CD6: variants seen among roughly 807,000 people sequenced by gnomAD.
CD6 encodes the protein T-cell differentiation antigen CD6.
In CD6, 53 loss-of-function variants were observed where a neutral mutation model predicts 75.3. The observed-to-expected ratio is 0.70, with a 90% CI of 0.56 to 0.88. The LOEUF (loss-of-function observed/expected upper bound fraction) is 0.88, where lower values mean the gene tolerates loss of function less well. Ranked by LOEUF, CD6 falls within the 40% of genes least tolerant of loss-of-function variation. CD6 has a pLI of 0.00. For synonymous variants in CD6, 359 were observed against 381.5 expected (o/e 0.94, Z 0.69); for missense variants, 770 against 897.1 (o/e 0.86, Z 1.81).
intron 1 of CD6, among the ~76,000 whole-genome samples, chr11:60,986,472 C>A (rs1857819989): frequency 6.6e-6 from 1 of 152,202 alleles, no homozygotes; most frequent in African/African-American, 2.4e-5. Context: ...GTGGCCATGT[C>A]ACTCTTCAGC....
chr11:60,978,351 C>T (rs1307332850), intron 1 of CD6, among the ~76,000 whole-genome samples: 3 of 152,130 alleles, frequency 2.0e-5, no homozygotes, highest in Admixed American at 6.5e-5. Flanking sequence ...CCTGGATTTT[C>T]CCAGTGAGCC....
At chr11:61,010,633 A>G (rs2135179724) in intron 5 of CD6, among the ~76,000 whole-genome samples, 1 of 152,312 alleles carries the variant, frequency 6.6e-6, no homozygotes, top group South Asian at 2.1e-4. Flanking sequence ...TTCGCAGGAT[A>G]GCTGGGAAAC....
In CD6 at chr11:61,009,680, C is replaced by T. The variant is rs753975286; in HGVS notation, c.890C>T (p.Ser297Leu). Residue 297 changes from serine to leucine, a missense_variant, in exon 5 of 13, where the codon TCG becomes TTG. Coordinates refer to ENST00000313421, the MANE Select transcript of CD6 (RefSeq NM_006725.5). ...NTVCDSEWYP[S>L]EAKVLCQSLG... ...GTGTGTGACAGTGAGTGGTACCCATCGGAGGCCAAGGTGCTCTGCCAGTCC... is the reference window on the plus strand; with the variant it reads ...GTGTGTGACAGTGAGTGGTACCCATTGGAGGCCAAGGTGCTCTGCCAGTCC... 2.5e-6 allele frequency: 4 copies of T among 1,614,078 alleles called. No homozygotes were observed. Among genetic ancestry groups the T allele is most frequent in the East Asian group, 4.5e-5 (2 of 44,888 alleles).
At position 61,015,539 on chromosome 11, in the gene CD6, C is replaced by G. The variant is rs1045490471; in HGVS notation, c.1388-174C>G. On this transcript the variant is annotated intron_variant, in intron 8 of 12. Coordinates refer to ENST00000313421, the MANE Select transcript of CD6 (RefSeq NM_006725.5). ...TGAGCTGTGATGGCACCACTGTACT[C>G]CAGCCTGGACAACAGAGTGAGACCC... 5.5e-6 allele frequency: 4 copies of G among 728,916 alleles called. No homozygotes were observed. In the African/African-American group the frequency reaches 7.1e-5, roughly 13 times the overall value. The allele number at this position is 728,916 out of a possible 1,614,324, so 45.2% of individuals were successfully genotyped here. A position where few individuals can be genotyped will look rare whatever the true frequency, so the allele number is the denominator to read the frequency against.
intron 1 of CD6, among the ~76,000 whole-genome samples, chr11:60,973,928 G>C (rs1367050739): frequency 6.6e-6 from 1 of 152,116 alleles, no homozygotes; most frequent in African/African-American, 2.4e-5. Flanking sequence ...TGATGCAAGG[G>C]ACACTGAGCT....
intron 9 of CD6, 88 bp from the exon 10 acceptor site, chr11:61,017,391 C>T: frequency 9.6e-7 from 1 of 1,045,910 alleles, no homozygotes; most frequent in Admixed American, 2.0e-5. Flanking sequence ...TCAGCCTACC[C>T]AGGCCCCGGG....
intron 1 of CD6, among the ~76,000 whole-genome samples, chr11:60,996,731 G>A (rs762419220): frequency 6.6e-6 from 1 of 152,208 alleles, no homozygotes; most frequent in Non-Finnish European, 1.5e-5. Context: ...CCCTGTCCTG[G>A]CAGTGCTCCA....
Position 61,009,607 on chromosome 11 carries a change from C to T in CD6, c.817C>T (p.Arg273Cys), listed in dbSNP as rs747633110. 7.4e-6 allele frequency: 12 copies of T among 1,612,010 alleles called. No individual in the cohort carries two copies. Among genetic ancestry groups the T allele is most frequent in the East Asian group, 2.2e-5 (1 of 44,870 alleles). ...QSWRLTGGADRCEGQVEVHFR... is the reference protein window; with the variant it reads ...QSWRLTGGADCCEGQVEVHFR... Reference sequence around the variant, plus strand: ...CTGGCGCCTGACAGGGGGCGCTGACCGCTGCGAGGGGCAGGTGGAGGTACA... The same window carrying T: ...CTGGCGCCTGACAGGGGGCGCTGACTGCTGCGAGGGGCAGGTGGAGGTACA... The change falls in exon 5 of 13, where the codon CGC (arginine) becomes TGC (cysteine). Residue 273 changes from arginine to cysteine, a missense_variant. Transcript: ENST00000313421.
chr11:60,990,795 T>G (rs377644640), intron 1 of CD6, among the ~76,000 whole-genome samples: 1,180 of 136,186 alleles, frequency 8.7e-3, no homozygotes, highest in East Asian at 0.018. Flanking sequence ...ATATAAATTG[T>G]ACCCTACTGG....
At chr11:60,982,690 T>C (rs1325059975) in intron 1 of CD6, 1 of 456,078 alleles carries the variant, frequency 2.2e-6, no homozygotes, top group Non-Finnish European at 4.4e-6. Flanking sequence ...GATGGGATTC[T>C]AGAAGTATGA....
chr11:61,001,224 G>A (rs541611191), intron 1 of CD6, among the ~76,000 whole-genome samples: 10 of 121,986 alleles, frequency 8.2e-5, no homozygotes, highest in East Asian at 2.2e-4. Context: ...TTTTTGAGAC[G>A]GAGTCTTGCT....
chr11:60,999,991 G>T (rs1293732263), intron 1 of CD6, among the ~76,000 whole-genome samples: 2 of 152,044 alleles, frequency 1.3e-5, no homozygotes, highest in Non-Finnish European at 2.9e-5. Flanking sequence ...GGTGGAGGTG[G>T]CAGTGAACCG....
At chr11:60,999,759 G>A (rs1032932145) in intron 1 of CD6, among the ~76,000 whole-genome samples, 5 of 151,960 alleles carry the variant, frequency 3.3e-5, no homozygotes, top group Admixed American at 3.3e-4. Flanking sequence ...ATCAGAAACA[G>A]CACAGGGTCG....
chr11:61,007,471 C>A lies in CD6; in HGVS notation c.119-89C>A. 9.2e-7 allele frequency: 1 copy of A among 1,081,840 alleles called. No individual in the cohort carries two copies. Among genetic ancestry groups the A allele is most frequent in the East Asian group, 3.3e-5 (1 of 30,712 alleles). The allele number at this position is 1,081,840 out of a possible 1,614,324, so 67.0% of individuals were successfully genotyped here. A position where few individuals can be genotyped will look rare whatever the true frequency, so the allele number is the denominator to read the frequency against. ...GACCCCTAGCCAGGCAGGGCGTTGT[C>A]AAAGTTCACGCACAGAGTCAGTGGC... On this transcript the variant is annotated intron_variant, in intron 2 of 12. Coordinates refer to ENST00000313421, the MANE Select transcript of CD6 (RefSeq NM_006725.5). This position sits in a 1 kb window ranked among gnomAD's most constrained non-coding sequence, Gnocchi z 4.2.
intron 1 of CD6, among the ~76,000 whole-genome samples, chr11:60,973,428 C>A (rs1200947639): frequency 6.6e-6 from 1 of 152,232 alleles, no homozygotes; most frequent in Non-Finnish European, 1.5e-5. Context: ...TACTGTCATC[C>A]ACTTTATGGT....
chr11:60,974,395 C>T (rs922435890), intron 1 of CD6, among the ~76,000 whole-genome samples: 1 of 152,284 alleles, frequency 6.6e-6, no homozygotes, highest in South Asian at 2.1e-4. Context: ...GACAGGCATG[C>T]GCCACGACGC....
rs1416657212 is a variant in CD6, at chr11:61,013,546, G to A, written c.1274G>A (p.Arg425Lys). The part of the protein sequence containing the change: ...SLIFIAFILL[R>K]IKGKYALPVM... Reference sequence around the variant, plus strand: ...ATCTTCATAGCCTTCATCCTCTTGAGAATTAAAGGAAAATATGGTAAGTGC... The same window carrying A: ...ATCTTCATAGCCTTCATCCTCTTGAAAATTAAAGGAAAATATGGTAAGTGC... Residue 425 changes from arginine to lysine, a missense_variant, in exon 7 of 13, where the codon AGA becomes AAA. Arg to Lys is a conservative substitution (Grantham distance 26, BLOSUM62 2). Transcript: ENST00000313421. The A allele has an allele frequency of 3.7e-6, 6 of 1,614,030 alleles. No individual in the cohort carries two copies. Among genetic ancestry groups the A allele is most frequent in the African/African-American group, 2.7e-5 (2 of 74,914 alleles).
intron 6 of CD6, 88 bp from the exon 7 acceptor site, chr11:61,013,335 G>A: frequency 2.1e-6 from 3 of 1,426,814 alleles, no homozygotes; most frequent in Non-Finnish European, 2.9e-6. Context: ...AAAAAGGGAA[G>A]CAGGTCAGCT....
intron 1 of CD6, among the ~76,000 whole-genome samples, chr11:61,003,256 C>A (rs147355380): frequency 1.3e-5 from 2 of 152,140 alleles, no homozygotes. Context: ...TGAGCCACCA[C>A]GCCCAGCCCT....
Sources: gnomAD v4.1 joint callset for allele counts (sites outside exome capture counted in the v4.1 genomes callset) on GRCh38, gnomAD v4.1.1 for gene constraint, Gnocchi (gnomAD v3.1) non-coding constraint, MANE v1.5 for transcripts, NCBI Gene and HGNC (gene_info 2026-07-23, HGNC 2026-07-21) for gene names.